The following COL15A1 variants were observed in gnomAD, a reference collection of about 807,000 sequenced individuals.
COL15A1 encodes the protein collagen type XV alpha 1 chain, also known as collagen alpha-1(XV) chain.
A neutral mutation model predicts 165.9 loss-of-function variants in COL15A1; 111 were observed. The ratio of observed to expected loss-of-function variants is 0.67; its 90% CI spans 0.57 to 0.78. COL15A1 has a LOEUF of 0.78. Among genes scored for constraint, COL15A1 ranks in the 30% least tolerant of loss-of-function variants. The pLI is 0.00. For missense variants in COL15A1, 1,745 were observed against 1,789.7 expected (o/e 0.98, Z 0.45); for synonymous variants, 659 against 674.8 (o/e 0.98, Z 0.36).
rs563183352 is a variant in COL15A1 at position 99,058,422 on chromosome 9, G to A, written c.3338-1467G>A. On this transcript the variant is annotated intron_variant, in intron 35 of 41. Coordinates refer to ENST00000375001, the MANE Select transcript of COL15A1 (RefSeq NM_001855.5). ...TGAGGACACTGGTCCTACAAAGGAA[G>A]AAGGTGCCGAGTGTATGGAACCACA... is the stretch of plus-strand genomic sequence containing the variant. 3.3e-5 allele frequency among the ~76,000 whole-genome samples: 5 copies of A among 152,306 alleles called. No individual in the cohort carries two copies. In the South Asian group the frequency reaches 1.0e-3, roughly 32 times the overall value.
rs1348499014 is a variant in COL15A1, at chr9:99,044,580, G to A, written c.2587G>A (p.Glu863Lys). The change falls in exon 25 of 42, where the codon GAG (glutamate) becomes AAG (lysine). Residue 863 changes from glutamate (E) to lysine (K), a missense_variant. Glu to Lys is a moderately conservative substitution (Grantham distance 56). Coordinates refer to ENST00000375001, the MANE Select transcript of COL15A1 (RefSeq NM_001855.5). ...CTCTGAATTGCAGGGCGAGAAGGGA[G>A]AGCCGGGTGCCATCCTGACAGAGGA... Reference protein sequence around the residue: ...GLKGEQGEKGEPGAILTEDIP... With the variant: ...GLKGEQGEKGKPGAILTEDIP... 6.2e-7 allele frequency: 1 copy of A among 1,614,126 alleles called. No individual in the cohort carries two copies. Among genetic ancestry groups the A allele is most frequent in the South Asian group, 1.1e-5 (1 of 91,086 alleles).
Position 99,000,869 on chromosome 9 carries a change from AG to A in COL15A1, c.988del (p.Val330PhefsTer28). 1.3e-6 allele frequency: 2 copies of A among 1,596,110 alleles called. No homozygotes were observed. The highest frequency in any genetic ancestry group is 1.7e-6 in the Non-Finnish European group (2 of 1,164,114). On this transcript the variant is annotated frameshift_variant, in exon 7 of 42. Coordinates refer to ENST00000375001, the MANE Select transcript of COL15A1 (RefSeq NM_001855.5). LOFTEE classifies it high-confidence loss of function. ...GGTGAGATCCTGAATGACACACTGG[AG>A]GGGGTTCATTCTGTGGATGGTGACC... ...GSGEILNDTL[E>X]GVHSVDGDPI...
chr9:98,990,908 T>C (rs1838410818), intron 5 of COL15A1, among the ~76,000 whole-genome samples: 1 of 152,186 alleles, frequency 6.6e-6, no homozygotes, highest in African/African-American at 2.4e-5. Context: ...GTCTGGAGTT[T>C]GTTCCTTCTG....
intron 11 of COL15A1, among the ~76,000 whole-genome samples, chr9:99,019,724 A>G (rs533392413): frequency 1.3e-5 from 2 of 152,096 alleles, no homozygotes; most frequent in East Asian, 3.9e-4. Context: ...TGGGAATCAT[A>G]ATCTTAGAAC....
chr9:98,944,149 G>A lies in COL15A1; in HGVS notation c.12-13G>A, dbSNP rs764015031. 6.2e-7 allele frequency: 1 copy of A among 1,614,006 alleles called. No homozygotes were observed. The highest frequency in any genetic ancestry group is 1.3e-5 in the African/African-American group (1 of 74,912). On this transcript the variant is annotated splice_polypyrimidine_tract_variant and intron_variant, in intron 1 of 41. Transcript: ENST00000375001. ...GCCCGCCTCACCTTTTCTCCCTCGG[G>A]CACATCTTGCAGGAGGAACAACGGG...
chr9:99,043,155 C>T (rs760355724), intron 24 of COL15A1, among the ~76,000 whole-genome samples: 11 of 151,982 alleles, frequency 7.2e-5, no homozygotes, highest in Non-Finnish European at 1.5e-4. Flanking sequence ...TCTTCTCTCC[C>T]CCCATCATTC....
chr9:99,017,543 G>T (rs75003591), intron 11 of COL15A1, among the ~76,000 whole-genome samples: 1 of 152,158 alleles, frequency 6.6e-6, no homozygotes, highest in Non-Finnish European at 1.5e-5. Context: ...CTCTGGTCAC[G>T]CATTAGAGAT....
At chr9:99,010,971 CTT>C (rs1838839299) in intron 9 of COL15A1, among the ~76,000 whole-genome samples, 1 of 149,704 alleles carries the variant, frequency 6.7e-6, no homozygotes, top group Admixed American at 6.6e-5. Flanking sequence ...CCTTTTAGAT[CTT>C]TAAGATAAAA....
chr9:99,017,382 A>G (rs1838954723), intron 11 of COL15A1, among the ~76,000 whole-genome samples: 2 of 152,148 alleles, frequency 1.3e-5, no homozygotes, highest in Admixed American at 1.3e-4. Context: ...GTCCTCATCC[A>G]TGAGAGTGTG....
intron 28 of COL15A1, among the ~76,000 whole-genome samples, chr9:99,048,804 T>G (rs12352174): frequency 0.13 from 20,286 of 150,624 alleles, 1,494 homozygotes; most frequent in South Asian, 0.23. Context: ...TGAGATACTA[T>G]GCAGGGATCT....
chr9:99,054,621 G>A lies in COL15A1; in HGVS notation c.2996G>A (p.Gly999Glu). Residue 999 changes from glycine (G) to glutamate (E), a missense_variant, in exon 32 of 42, where the codon GGA becomes GAA. Gly to Glu is a moderately conservative substitution (Grantham distance 98). Coordinates refer to ENST00000375001, the MANE Select transcript of COL15A1 (RefSeq NM_001855.5). ...TCCTGGGGTCTTCCTGGCTCAAAGG[G>A]AGAAAAAGGCGACCAGGGAGCCCAG... ...KGSWGLPGSK[G>E]EKGDQGAQGP... 2 of 1,613,442 alleles carry A rather than the reference G, an allele frequency of 1.2e-6. No homozygotes were observed. Among genetic ancestry groups the A allele is most frequent in the Non-Finnish European group, 8.5e-7 (1 of 1,179,756 alleles).
At chr9:99,004,244 G>T (rs553920719) in intron 8 of COL15A1, among the ~76,000 whole-genome samples, 143 of 152,288 alleles carry the variant, frequency 9.4e-4, no homozygotes, top group African/African-American at 3.4e-3. Flanking sequence ...AGGAGAAAGG[G>T]TGGGGAAGCA....
chr9:99,070,173 G>T lies in COL15A1; in HGVS notation c.*287G>T. On this transcript the variant is annotated 3_prime_UTR_variant, in exon 42 of 42. Coordinates refer to ENST00000375001, the MANE Select transcript of COL15A1 (RefSeq NM_001855.5). ...GGTTAAGAGCAAGTTGAAAACAAAG[G>T]CCATGGCATTCTGCCACTGCATCCT... 2 of 328,970 alleles carry T rather than the reference G, an allele frequency of 6.1e-6. No individual in the cohort carries two copies. The highest frequency in any genetic ancestry group is 4.4e-5 in the South Asian group (1 of 22,564). The allele number at this position is 328,970 out of a possible 1,614,324, so 20.4% of individuals were successfully genotyped here.
intron 2 of COL15A1, among the ~76,000 whole-genome samples, chr9:98,950,481 C>CTCCT (rs1837662252): frequency 8.0e-6 from 1 of 124,868 alleles, no homozygotes; most frequent in African/African-American, 3.1e-5. Context: ...CCTCCCTTCC[C>CTCCT]TCCTTCCTTC....
At chr9:98,974,260 C>A (rs1372651212) in intron 2 of COL15A1, among the ~76,000 whole-genome samples, 1 of 152,140 alleles carries the variant, frequency 6.6e-6, no homozygotes, top group Admixed American at 6.5e-5. Flanking sequence ...GATGGGTGAG[C>A]ATTGTAGGAA....
At chr9:99,047,564 G>A (rs1430064393) in intron 26 of COL15A1, among the ~76,000 whole-genome samples, 2 of 152,190 alleles carry the variant, frequency 1.3e-5, no homozygotes, top group Non-Finnish European at 2.9e-5. Flanking sequence ...GAGCCTGCAG[G>A]AAAGCAGGGG....
At position 98,944,203 on chromosome 9, in the gene COL15A1, C is replaced by T. The variant is rs749712321; in HGVS notation, c.53C>T (p.Ser18Leu). 3 of 1,613,976 alleles carry T rather than the reference C, an allele frequency of 1.9e-6. No homozygotes were observed. ...GQCWCLLMLL[S>L]VSTPLPAVTQ... is the part of the protein sequence containing the mutation. ...TGCTGGTGTCTGCTGATGCTGCTCT[C>T]GGTCTCCACGCCCCTCCCTGCTGTC... Residue 18 changes from serine to leucine, a missense_variant, in exon 2 of 42, where the codon TCG (serine) becomes TTG (leucine). Ser to Leu is a moderately radical substitution (Grantham distance 145). Transcript: ENST00000375001.
At chr9:99,033,154 G>C (rs1472951915) in intron 16 of COL15A1, among the ~76,000 whole-genome samples, 1 of 152,194 alleles carries the variant, frequency 6.6e-6, no homozygotes, top group East Asian at 1.9e-4. Flanking sequence ...GGTGCAGACT[G>C]TTGGGAGGTG....
At chr9:98,987,227 T>C (rs2118891004) in intron 3 of COL15A1, 67 bp from the exon 4 acceptor site, 4 of 1,465,342 alleles carry the variant, frequency 2.7e-6, no homozygotes, top group South Asian at 1.2e-5. Flanking sequence ...AAAACAATCA[T>C]GTCTTCCACT....
Sources: allele counts gnomAD v4.1 joint callset (sites outside exome capture counted in the v4.1 genomes callset), GRCh38; gene constraint gnomAD v4.1.1; transcripts MANE v1.5; gene names NCBI Gene and HGNC (gene_info 2026-07-23, HGNC 2026-07-21).